NAA35: variants seen among roughly 807,000 people sequenced by gnomAD.
NAA35 encodes MAK10 homolog, amino-acid N-acetyltransferase subunit.
NAA35 carries 18 observed loss-of-function variants against 101.7 expected under a neutral mutation model. The ratio of observed to expected loss-of-function variants is 0.18; its 90% confidence interval spans 0.12 to 0.26. The LOEUF is 0.26. Ranked by LOEUF, NAA35 falls within the 10% of genes least tolerant of loss-of-function variation. The pLI is 1.00. For missense variants in NAA35, 601 were observed against 886.8 expected, an observed-to-expected ratio of 0.68 and a Z score of 4.09; for synonymous variants, 267 against 273.1, an observed-to-expected ratio of 0.98 and a Z score of 0.22.
rs910654263 is a variant in NAA35, at chr9:85,977,452, G to A, written c.762+6G>A. 6.3e-7 allele frequency: 1 copy of A among 1,585,134 alleles called. No individual in the cohort carries two copies. Among genetic ancestry groups the A allele is most frequent in the Non-Finnish European group, 8.7e-7 (1 of 1,155,096 alleles). Reference sequence around the variant, plus strand: ...TAGCCTTTACTAAGAAAGAGGTAAGGGCATTCAATATAATATGTCTATTTG... The same window carrying A: ...TAGCCTTTACTAAGAAAGAGGTAAGAGCATTCAATATAATATGTCTATTTG... On this transcript the variant is annotated splice_donor_region_variant and intron_variant, in intron 10 of 22. Transcript: ENST00000361671.
At chr9:85,968,306 G>A (rs1829850359) in intron 6 of NAA35, among the ~76,000 whole-genome samples, 1 of 152,152 alleles carries the variant, frequency 6.6e-6, no homozygotes, top group Non-Finnish European at 1.5e-5. Flanking sequence ...CGCTTCCCGG[G>A]TTCACGCCAT....
At chr9:86,011,422 G>A (rs1253478691) in intron 15 of NAA35, among the ~76,000 whole-genome samples, 1 of 150,956 alleles carries the variant, frequency 6.6e-6, no homozygotes, top group African/African-American at 2.4e-5. Context: ...GGAGTGCAGT[G>A]ATCTTGGCTC....
At chr9:85,966,729 A>G in intron 6 of NAA35, 1 of 811,748 alleles carries the variant, frequency 1.2e-6, no homozygotes. Flanking sequence ...GTCTTGGCAA[A>G]CAGTTTAATA....
In NAA35 at chr9:86,002,364, C is replaced by G. The variant is rs1831452770; in HGVS notation, c.1057-1221C>G. On this transcript the variant is annotated intron_variant, in intron 12 of 22. Coordinates refer to ENST00000361671, the MANE Select transcript of NAA35 (RefSeq NM_024635.4). ...GATGATCTGCTTGTGTAGAATCTTG[C>G]AGGACTTCTCTGTATTTCCTGAATT... 2.0e-5 allele frequency among the ~76,000 whole-genome samples: 3 copies of G among 152,148 alleles called. No homozygotes were observed. In the South Asian group the frequency reaches 6.2e-4, roughly 32 times the overall value.
intron 2 of NAA35, among the ~76,000 whole-genome samples, chr9:85,955,341 TATATATATATATATATATA>T (rs1829200281): frequency 2.9e-5 from 2 of 69,662 alleles, no homozygotes; most frequent in East Asian, 6.3e-4. Context: ...TATATATATA[TATATATATATATATATATA>T]TTTTTTTTTT....
intron 11 of NAA35, among the ~76,000 whole-genome samples, chr9:85,985,301 T>C (rs1564307220): frequency 6.6e-6 from 1 of 152,180 alleles, no homozygotes; most frequent in Non-Finnish European, 1.5e-5. Context: ...CAAAAAGTTA[T>C]ACACTAATGC....
chr9:85,988,489 A>G (rs1005831230), intron 11 of NAA35, among the ~76,000 whole-genome samples: 2 of 152,152 alleles, frequency 1.3e-5, no homozygotes, highest in African/African-American at 4.8e-5. Context: ...CATTCTAGAC[A>G]TTGCTGAAAA....
At chr9:85,979,064 CAT>C (rs1208187565) in intron 11 of NAA35, among the ~76,000 whole-genome samples, 19 of 152,162 alleles carry the variant, frequency 1.2e-4, no homozygotes, top group Admixed American at 8.5e-4. Flanking sequence ...TTCGATTACA[CAT>C]GTTAGAAATG....
intron 17 of NAA35, chr9:86,014,353 A>G: frequency 1.0e-6 from 1 of 981,358 alleles, no homozygotes; most frequent in Non-Finnish European, 1.2e-6. Flanking sequence ...TTTGGAGTTG[A>G]TAAAAGATGA....
At chr9:86,015,774 G>C (rs1832178899) in intron 17 of NAA35, 2 of 975,266 alleles carry the variant, frequency 2.1e-6, no homozygotes, top group Non-Finnish European at 2.4e-6. Context: ...TCACTCATGT[G>C]TCCTTAGGTT....
intron 6 of NAA35, among the ~76,000 whole-genome samples, chr9:85,964,290 G>A (rs1057403099): frequency 6.6e-6 from 1 of 152,040 alleles, no homozygotes; most frequent in Non-Finnish European, 1.5e-5. Flanking sequence ...TCCTGCTCAT[G>A]CTCTCTCTCA....
chr9:85,941,522 T>C lies in NAA35; in HGVS notation c.-6+249T>C, dbSNP rs1034233436. 11 of 985,394 alleles carry C rather than the reference T, an allele frequency of 1.1e-5. No individual in the cohort carries two copies. In the East Asian group the frequency reaches 1.1e-3, roughly 102 times the overall value. 61.0% of individuals were successfully genotyped at this position (985,394 alleles called of 1,614,324 possible). A position where few individuals can be genotyped will look rare whatever the true frequency, so the allele number is the denominator to read the frequency against. ...CCGCCCTCCCGCGCGGCGACAGCTC[T>C]GTCCTTGCTTATGCGCCCAGTGGGA... On this transcript the variant is annotated intron_variant, in intron 1 of 22. Transcript: ENST00000361671.
At chr9:86,016,497 A>G (rs770322538) in intron 17 of NAA35, 42 bp from the exon 18 acceptor site, 1 of 1,586,194 alleles carries the variant, frequency 6.3e-7, no homozygotes, top group Non-Finnish European at 8.6e-7. Context: ...AAGCTGTCTC[A>G]TTTAGACATC....
intron 6 of NAA35, among the ~76,000 whole-genome samples, chr9:85,973,530 T>A (rs1830082349): frequency 6.6e-6 from 1 of 152,102 alleles, no homozygotes; most frequent in African/African-American, 2.4e-5. Context: ...TTCTGGTAGA[T>A]TTGATACAGG....
intron 11 of NAA35, among the ~76,000 whole-genome samples, chr9:85,993,877 C>T (rs188325327): frequency 1.1e-4 from 17 of 152,192 alleles, no homozygotes; most frequent in African/African-American, 3.9e-4. Flanking sequence ...GATGCAGTCA[C>T]GGCTCACTAC....
chr9:85,966,703 A>G, intron 6 of NAA35: 1 of 1,084,390 alleles, frequency 9.2e-7, no homozygotes, highest in Non-Finnish European at 1.3e-6. Context: ...TTTTACTAGT[A>G]TACATTAGCA....
rs1192050598 is a variant in NAA35, at chr9:86,022,037, C to G, written c.*77C>G. The G allele has an allele frequency of 9.2e-7, 1 of 1,087,978 alleles. No individual in the cohort carries two copies. Among genetic ancestry groups the G allele is most frequent in the Non-Finnish European group, 1.4e-6 (1 of 729,900 alleles). The allele number at this position is 1,087,978 out of a possible 1,614,324, so 67.4% of individuals were successfully genotyped here. On this transcript the variant is annotated 3_prime_UTR_variant, in exon 23 of 23. Transcript: ENST00000361671. The stretch of plus-strand genomic sequence containing the variant: ...CTCTTAGAGGGCACATCACCAGGCT[C>G]CACATCACGGGAAGTGAGATGGATT...
chr9:85,962,018 G>T lies in NAA35; in HGVS notation c.354G>T (p.Thr118=). 1 of 1,601,496 alleles carries T rather than the reference G, an allele frequency of 6.2e-7. No homozygotes were observed. The highest frequency in any genetic ancestry group is 8.5e-7 in the Non-Finnish European group (1 of 1,176,248). ...IMDTCFCCLI[T]WLEGHSLAQT... ...ACTCTTTTGTTTCTTTATAGATAAC[G>T]TGGTTAGAAGGCCATTCACTGGCAC... Residue 118 remains threonine (T), a synonymous_variant, in exon 6 of 23, where the codon ACG becomes ACT. Transcript: ENST00000361671.
chr9:85,977,330 C>T (rs759071580), intron 9 of NAA35, 33 bp from the exon 10 acceptor site: 5 of 1,469,334 alleles, frequency 3.4e-6, no homozygotes, highest in Admixed American at 3.4e-5. Context: ...GGCTTTGCAT[C>T]TTTTAACTTT....
Sources: allele counts gnomAD v4.1 joint callset (sites outside exome capture counted in the v4.1 genomes callset), GRCh38; gene constraint gnomAD v4.1.1; transcripts MANE v1.5; gene names NCBI Gene and HGNC (gene_info 2026-07-23, HGNC 2026-07-21).